Variants in COG6 observed in about 807,000 individuals in gnomAD.
The protein encoded by COG6 is component of oligomeric golgi complex 6.
In COG6, 74 loss-of-function variants were observed where a neutral mutation model predicts 88.8. The observed-to-expected ratio is 0.83, with a 90% CI of 0.69 to 1.01. The LOEUF (loss-of-function observed/expected upper bound fraction) is 1.01. Ranked by LOEUF, COG6 falls within the 50% of genes least tolerant of loss-of-function variation. The pLI, the probability that COG6 is intolerant of heterozygous loss-of-function variation, is 0.00. For missense variants in COG6, 800 were observed against 797.9 expected (o/e 1.00, Z -0.03); for synonymous variants, 286 against 278.7 (o/e 1.03, Z -0.26).
downstream of COG6, among the ~76,000 whole-genome samples, chr13:39,754,121 A>T (rs1880755487): frequency 6.6e-6 from 1 of 152,034 alleles, no homozygotes; most frequent in East Asian, 1.9e-4. Flanking sequence ...CTCCCATTTC[A>T]TTAACCCAAC....
intron 18 of COG6, among the ~76,000 whole-genome samples, chr13:39,735,045 T>C (rs1879661579): frequency 6.6e-6 from 1 of 152,126 alleles, no homozygotes; most frequent in East Asian, 1.9e-4. Flanking sequence ...GGTCTTGTTT[T>C]TTTAATCCAT....
intron 18 of COG6, among the ~76,000 whole-genome samples, chr13:39,759,158 C>T (rs1318140116): frequency 6.6e-6 from 1 of 152,118 alleles, no homozygotes; most frequent in East Asian, 1.9e-4. Flanking sequence ...GATTGCACAG[C>T]ATTGAATATA....
intron 6 of COG6, 77 bp from the exon 7 acceptor site, chr13:39,679,898 T>A (rs970187352): frequency 1.3e-6 from 1 of 786,766 alleles, no homozygotes; most frequent in African/African-American, 1.7e-5. Context: ...TAATATGTAA[T>A]ATGCAAACAA....
chr13:39,704,663 T>C (rs767452483), intron 13 of COG6, among the ~76,000 whole-genome samples: 2 of 152,126 alleles, frequency 1.3e-5, no homozygotes, highest in African/African-American at 4.8e-5. Flanking sequence ...TCATCTGTAA[T>C]GGATAGTAAA....
intron 18 of COG6, among the ~76,000 whole-genome samples, chr13:39,742,006 C>T (rs574032475): frequency 6.6e-5 from 10 of 152,088 alleles, no homozygotes; most frequent in Non-Finnish European, 1.3e-4. Context: ...ACAAACTAAG[C>T]TTCATAAGTG....
intron 18 of COG6, 62 bp downstream of exon 18, chr13:39,727,610 T>G: frequency 1.7e-6 from 2 of 1,205,462 alleles, no homozygotes; most frequent in Non-Finnish European, 2.5e-6. Flanking sequence ...ATCAAGTACA[T>G]TTTTTTGGAA....
At chr13:39,739,450 A>G (rs1879936585) in intron 18 of COG6, among the ~76,000 whole-genome samples, 1 of 152,174 alleles carries the variant, frequency 6.6e-6, no homozygotes. Flanking sequence ...GTGTAAGTCA[A>G]TAAAAGGTCA....
intron 1 of COG6, 51 bp from the exon 2 acceptor site, chr13:39,659,313 A>C: frequency 6.4e-7 from 1 of 1,552,678 alleles, no homozygotes. Context: ...TGAGATTTGA[A>C]ACCATTTAAA....
chr13:39,743,332 A>T (rs986009841), intron 18 of COG6, among the ~76,000 whole-genome samples: 7 of 152,178 alleles, frequency 4.6e-5, no homozygotes, highest in Non-Finnish European at 8.8e-5. Flanking sequence ...TTTTGAAAGG[A>T]TCAACAAAAT....
intron 17 of COG6, among the ~76,000 whole-genome samples, chr13:39,725,990 A>G (rs1879116618): frequency 3.3e-5 from 5 of 151,934 alleles, no homozygotes. Flanking sequence ...AACTCATAAA[A>G]TATTTGAAAT....
At chr13:39,667,831 A>G (rs6563741) in intron 4 of COG6, among the ~76,000 whole-genome samples, 151,872 of 152,310 alleles carry the variant, frequency 1, 75,720 homozygotes, top group Middle Eastern at 1. Flanking sequence ...AGGACTAAGA[A>G]GGACATGATG....
intron 18 of COG6, among the ~76,000 whole-genome samples, chr13:39,738,200 C>G (rs1176085015): frequency 1.3e-5 from 2 of 151,944 alleles, no homozygotes; most frequent in African/African-American, 4.8e-5. Context: ...GCTTGGGGGA[C>G]GATCTCTGGA....
At chr13:39,744,381 A>G (rs1412469056) in intron 18 of COG6, among the ~76,000 whole-genome samples, 1 of 152,232 alleles carries the variant, frequency 6.6e-6, no homozygotes, top group Non-Finnish European at 1.5e-5. Flanking sequence ...AAATCTCCTT[A>G]CGCTGACAAG....
downstream of COG6, among the ~76,000 whole-genome samples, chr13:39,755,062 A>G (rs1880788897): frequency 6.6e-6 from 1 of 152,174 alleles, no homozygotes; most frequent in South Asian, 2.1e-4. Flanking sequence ...GGATTAAGGA[A>G]CTTAAAAATT....
Position 39,751,182 on chromosome 13 carries a change from G to T in COG6, c.*89G>T. ...TCTTTGAATTTTTACTCTATAATTT[G>T]ATAGTTACAGTTTTCTTTGTATCAT... On this transcript the variant is annotated 3_prime_UTR_variant, in exon 19 of 19. Transcript: ENST00000455146. 6.5e-7 allele frequency: 1 copy of T among 1,547,618 alleles called. No individual in the cohort carries two copies.
intron 13 of COG6, among the ~76,000 whole-genome samples, chr13:39,700,689 A>G (rs756479022): frequency 7.2e-5 from 11 of 152,078 alleles, no homozygotes; most frequent in East Asian, 1.9e-4. Context: ...TGTTGGCCTC[A>G]TTAAGGTTGC....
At chr13:39,772,442 T>C (rs1052767383) in intron 18 of COG6, among the ~76,000 whole-genome samples, 1 of 152,226 alleles carries the variant, frequency 6.6e-6, no homozygotes, top group Admixed American at 6.5e-5. Flanking sequence ...CTCAGGGAGC[T>C]TGTAGTCTTT....
rs1437629764 is a variant in COG6 at position 39,751,956 on chromosome 13, C to G, written c.*863C>G. On this transcript the variant is annotated 3_prime_UTR_variant, in exon 19 of 19. Coordinates refer to ENST00000455146, the MANE Select transcript of COG6 (RefSeq NM_020751.3). ...TACACATTTTATCTGGTGTTCAAAC[C>G]AAAGAAACAATGATCTACTCAAACA... is the stretch of plus-strand genomic sequence containing the variant. 11 of 1,220,236 alleles carry G rather than the reference C, an allele frequency of 9.0e-6. No individual in the cohort carries two copies. The highest frequency in any genetic ancestry group is 1.6e-5 in the African/African-American group (1 of 64,230). 75.6% of individuals were successfully genotyped at this position (1,220,236 alleles called of 1,614,324 possible).
At chr13:39,734,245 A>G (rs996573629) in intron 18 of COG6, among the ~76,000 whole-genome samples, 10 of 152,046 alleles carry the variant, frequency 6.6e-5, no homozygotes, top group African/African-American at 2.4e-4. Context: ...TACAGCTACA[A>G]AGTTTCCTTT....
Sources: allele counts gnomAD v4.1 joint callset (sites outside exome capture counted in the v4.1 genomes callset), GRCh38; gene constraint gnomAD v4.1.1; transcripts MANE v1.5; gene names NCBI Gene and HGNC (gene_info 2026-07-23, HGNC 2026-07-21).